The following PRDM10 variants were observed in gnomAD, a reference collection of about 807,000 sequenced individuals.
PRDM10 encodes the protein PR/SET domain 10.
PRDM10 carries 65 observed loss-of-function variants against 133.1 expected under a neutral mutation model. That is an observed-to-expected ratio of 0.49 (90% CI 0.40 to 0.60). The LOEUF (loss-of-function observed/expected upper bound fraction) is 0.60, where lower values mean the gene tolerates loss of function less well. PRDM10 is among the 20% of genes least tolerant of loss of function. PRDM10 has a pLI of 0.00. For synonymous variants in PRDM10, 582 were observed against 580.4 expected (o/e 1.00, Z -0.04); for missense variants, 1,137 against 1,507.1 (o/e 0.75, Z 4.07).
chr11:129,926,127 C>T (rs145976109), intron 11 of PRDM10, among the ~76,000 whole-genome samples: 2 of 152,204 alleles, frequency 1.3e-5, no homozygotes, highest in African/African-American at 4.8e-5. Context: ...CAATTCTGCT[C>T]TTTGTTTTCA....
chr11:129,997,788 C>T (rs1023853053), intron 1 of PRDM10, among the ~76,000 whole-genome samples: 5 of 152,118 alleles, frequency 3.3e-5, no homozygotes, highest in Non-Finnish European at 5.9e-5. Context: ...CCATTGAATA[C>T]ATTAATTCAG....
chr11:129,928,908 C>T (rs1464111404), intron 11 of PRDM10, among the ~76,000 whole-genome samples: 1 of 152,164 alleles, frequency 6.6e-6, no homozygotes, highest in African/African-American at 2.4e-5. Flanking sequence ...CTGAAACAGT[C>T]TACCTTCCTC....
In PRDM10 at chr11:129,931,073, C is replaced by G. The variant is rs1950840138; in HGVS notation, c.1473G>C (p.Val491=). 1 of 1,614,066 alleles carries G rather than the reference C, an allele frequency of 6.2e-7. No homozygotes were observed. Among genetic ancestry groups the G allele is most frequent in the African/African-American group, 1.3e-5 (1 of 74,924 alleles). ...LHLQPQHEES[V]VPTQSTLTAD... ...CTGTCAGCGTGCTCTGGGTGGGCAC[C>G]ACGCTCTCTTCATGCTGCGGCTGCA... Residue 491 remains valine (V), a synonymous_variant, in exon 11 of 21, where the codon GTG becomes GTC. Transcript: ENST00000360871.
At chr11:129,967,637 G>A (rs891410026) in intron 1 of PRDM10, among the ~76,000 whole-genome samples, 3 of 152,114 alleles carry the variant, frequency 2.0e-5, no homozygotes, top group Non-Finnish European at 4.4e-5. Context: ...GGAGAAAAAG[G>A]TGAGCAAAAA....
intron 15 of PRDM10, 37 bp downstream of exon 15, chr11:129,917,089 AC>A: frequency 6.8e-7 from 1 of 1,468,790 alleles, no homozygotes; most frequent in Non-Finnish European, 9.5e-7. Context: ...TAAGCAGGGA[AC>A]CCCAGTGGCA....
At chr11:129,975,365 C>T (rs1202280356) in intron 1 of PRDM10, among the ~76,000 whole-genome samples, 1 of 151,358 alleles carries the variant, frequency 6.6e-6, no homozygotes, top group African/African-American at 2.4e-5. Flanking sequence ...GCGGAGGTTG[C>T]AGTGAGCTAA....
intron 3 of PRDM10, among the ~76,000 whole-genome samples, chr11:129,956,944 G>T (rs1245504334): frequency 1.3e-5 from 2 of 152,192 alleles, no homozygotes; most frequent in African/African-American, 4.8e-5. Flanking sequence ...TATGTTGGGG[G>T]ATATTGGTGT....
intron 10 of PRDM10, 38 bp from the exon 11 acceptor site, chr11:129,931,296 G>T: frequency 6.3e-7 from 1 of 1,582,184 alleles, no homozygotes; most frequent in East Asian, 2.3e-5. Context: ...GATCAGTGCC[G>T]GAGGGACTGT....
chr11:129,984,247 C>T (rs1164118937), intron 1 of PRDM10, among the ~76,000 whole-genome samples: 1 of 152,240 alleles, frequency 6.6e-6, no homozygotes, highest in African/African-American at 2.4e-5. Context: ...ACCAGGCCTT[C>T]TGGGACCCTC....
At chr11:129,970,353 C>T (rs972818386) in intron 1 of PRDM10, among the ~76,000 whole-genome samples, 1 of 152,130 alleles carries the variant, frequency 6.6e-6, no homozygotes, top group Non-Finnish European at 1.5e-5. Flanking sequence ...AGAGGCGAAG[C>T]GACTTTGCCT....
At chr11:129,904,353 T>C (rs1591560959) in intron 20 of PRDM10, among the ~76,000 whole-genome samples, 1 of 152,114 alleles carries the variant, frequency 6.6e-6, no homozygotes, top group Non-Finnish European at 1.5e-5. Context: ...GATTAACATA[T>C]CCATCAACTC....
intron 1 of PRDM10, among the ~76,000 whole-genome samples, chr11:129,992,201 A>G (rs1174615277): frequency 6.6e-6 from 1 of 152,204 alleles, no homozygotes; most frequent in Non-Finnish European, 1.5e-5. Flanking sequence ...GCAGCTCTTT[A>G]TTTTAAAAAT....
intron 4 of PRDM10, among the ~76,000 whole-genome samples, chr11:129,952,639 C>T (rs1256027328): frequency 6.6e-6 from 1 of 152,064 alleles, no homozygotes; most frequent in Non-Finnish European, 1.5e-5. Flanking sequence ...ACCTCAGCCT[C>T]CCGAGTAGCT....
chr11:129,932,323 T>C, intron 9 of PRDM10, 92 bp from the exon 10 acceptor site: 1 of 1,466,526 alleles, frequency 6.8e-7, no homozygotes. Context: ...ACCCCAGAGT[T>C]TGATTCCTCT....
At chr11:129,930,746 A>G (rs531536783) in intron 11 of PRDM10, among the ~76,000 whole-genome samples, 2 of 152,222 alleles carry the variant, frequency 1.3e-5, no homozygotes, top group Non-Finnish European at 2.9e-5. Context: ...TGAGGGATGC[A>G]GAGAGCTAGT....
At chr11:129,931,380 T>C in intron 10 of PRDM10, 122 bp from the exon 11 acceptor site, 1 of 1,340,034 alleles carries the variant, frequency 7.5e-7, no homozygotes, top group Non-Finnish European at 1.0e-6. Flanking sequence ...ATTCTCCCTC[T>C]GGGAAAGTTA....
chr11:129,931,421 A>C (rs1950853570), intron 10 of PRDM10, among the ~76,000 whole-genome samples, 163 bp from the exon 11 acceptor site: 2 of 152,218 alleles, frequency 1.3e-5, no homozygotes, highest in Non-Finnish European at 2.9e-5. Context: ...AGGCAAAAGC[A>C]GGAGAGGTTC....
intron 8 of PRDM10, 104 bp from the exon 9 acceptor site, chr11:129,935,322 A>G (rs1421459854): frequency 1.2e-6 from 1 of 831,972 alleles, no homozygotes; most frequent in Non-Finnish European, 2.1e-6. Context: ...CAGCCCAAAG[A>G]GTTCATAACT....
At position 129,931,106 on chromosome 11, in the gene PRDM10, GGT is replaced by G; in HGVS notation, c.1438_1439del (p.Thr480ProfsTer8). 6.2e-7 allele frequency: 1 copy of G among 1,614,222 alleles called. No individual in the cohort carries two copies. ...SSLEHEPETH[T>X]LHLQPQHEES... ...CTTCATGCTGCGGCTGCAGGTGCAG[GGT>G]GTGAGTTTCTGGTTCATGTTCCAGG... On this transcript the variant is annotated frameshift_variant, in exon 11 of 21. Transcript: ENST00000360871. LOFTEE classifies it high-confidence loss of function.
Sources: allele counts gnomAD v4.1 joint callset (sites outside exome capture counted in the v4.1 genomes callset), GRCh38; gene constraint gnomAD v4.1.1; transcripts MANE v1.5; gene names NCBI Gene and HGNC (gene_info 2026-07-23, HGNC 2026-07-21).